SLC24A1: variants seen among roughly 807,000 people sequenced by gnomAD.
SLC24A1 encodes the protein sodium/potassium/calcium exchanger 1.
In SLC24A1, 52 loss-of-function variants were observed where a neutral mutation model predicts 88.1. The ratio of observed to expected loss-of-function variants is 0.59; its 90% confidence interval spans 0.47 to 0.74. The LOEUF is 0.74. Ranked by LOEUF, SLC24A1 falls within the 30% of genes least tolerant of loss-of-function variation. The probability of loss-of-function intolerance (pLI) is 0.00; values close to 1 mark genes in which losing one functional copy is unlikely to be tolerated. For synonymous variants in SLC24A1, 455 were observed against 498.0 expected (o/e 0.91, Z 1.15); for missense variants, 1,173 against 1,363.3 (o/e 0.86, Z 2.20).
chr15:65,638,869 G>A (rs919639953), intron 3 of SLC24A1, among the ~76,000 whole-genome samples: 2 of 152,148 alleles, frequency 1.3e-5, no homozygotes, highest in Non-Finnish European at 2.9e-5. Flanking sequence ...GTGTGGAAGC[G>A]TTGTCTTTGG....
intron 5 of SLC24A1, among the ~76,000 whole-genome samples, chr15:65,644,816 A>G (rs773770479): frequency 2.6e-5 from 4 of 152,188 alleles, no homozygotes; most frequent in Non-Finnish European, 4.4e-5. Context: ...TTGAACTCCC[A>G]CTTCTTTTTG....
Position 65,654,603 on chromosome 15 carries a change from T to G in SLC24A1, c.*524T>G. 8.2e-7 allele frequency: 1 copy of G among 1,220,084 alleles called. No homozygotes were observed. The highest frequency in any genetic ancestry group is 3.1e-5 in the Admixed American group (1 of 31,898). 75.6% of individuals were successfully genotyped at this position (1,220,084 alleles called of 1,614,324 possible). A position where few individuals can be genotyped will look rare whatever the true frequency, so the allele number is the denominator to read the frequency against. On this transcript the variant is annotated 3_prime_UTR_variant, in exon 10 of 10. Transcript: ENST00000261892. ...TAATCACTGTAGCTTCAGTTATTGGTGAGTCTAAGGATCCAAGGCTACAGA... is the reference window on the plus strand; with the variant it reads ...TAATCACTGTAGCTTCAGTTATTGGGGAGTCTAAGGATCCAAGGCTACAGA...
chr15:65,658,217 T>C (rs544660314), downstream of SLC24A1: 2 of 152,312 alleles, frequency 1.3e-5, no homozygotes, highest in South Asian at 2.1e-4. Flanking sequence ...AGGAGCAAGG[T>C]AGTATGAGGA....
In SLC24A1 at chr15:65,624,913, A is replaced by G; in HGVS notation, c.833A>G (p.Lys278Arg). ...VLTSPRSVME[K>R]NNLFPPRRVE... ...ACTTCTCCAAGGAGCGTCATGGAAA[A>G]AAACAACCTGTTTCCCCCCAGAAGA... The change falls in exon 2 of 10, where the codon AAA (lysine) becomes AGA (arginine). Residue 278 changes from lysine to arginine, a missense_variant. Physicochemically the swap from Lys to Arg is conservative, Grantham distance 26. Transcript: ENST00000261892. 6.2e-7 allele frequency: 1 copy of G among 1,613,448 alleles called. No homozygotes were observed. Among genetic ancestry groups the G allele is most frequent in the Non-Finnish European group, 8.5e-7 (1 of 1,179,742 alleles).
In SLC24A1 at chr15:65,654,475, C is replaced by G. The variant is rs1158782481; in HGVS notation, c.*396C>G. The G allele has an allele frequency of 4.3e-6, 5 of 1,164,098 alleles. No individual in the cohort carries two copies. The highest frequency in any genetic ancestry group is 5.3e-6 in the Non-Finnish European group (5 of 935,004). The allele number at this position is 1,164,098 out of a possible 1,614,324, so 72.1% of individuals were successfully genotyped here. ...CCAAAGGCTGCTGGCCCAAAAGATG[C>G]AGATGTGGTCTACATCTCAGCCTTC... On this transcript the variant is annotated 3_prime_UTR_variant, in exon 10 of 10. Transcript: ENST00000261892.
At chr15:65,621,781 G>A (rs1221780795), upstream of SLC24A1, among the ~76,000 whole-genome samples, 2 of 152,190 alleles carry the variant, frequency 1.3e-5, no homozygotes, top group Non-Finnish European at 2.9e-5. Context: ...GACTTTGTGG[G>A]CCCACAGTGA....
Position 65,654,890 on chromosome 15 carries a change from G to C in SLC24A1, c.*811G>C. 8.5e-7 allele frequency: 1 copy of C among 1,179,338 alleles called. No individual in the cohort carries two copies. The highest frequency in any genetic ancestry group is 1.1e-6 in the Non-Finnish European group (1 of 939,600). 73.1% of individuals were successfully genotyped at this position (1,179,338 alleles called of 1,614,324 possible). ...TGGGATTACAGGCGTCAGCCACCGC[G>C]CCTGGCCTATACCAGTATTTTCTAG... On this transcript the variant is annotated 3_prime_UTR_variant, in exon 10 of 10. Transcript: ENST00000261892.
In SLC24A1 at chr15:65,624,955, C is replaced by T; in HGVS notation, c.875C>T (p.Ser292Leu). Residue 292 changes from serine (S) to leucine (L), a missense_variant, in exon 2 of 10, where the codon TCA becomes TTA. Ser to Leu is a moderately radical substitution (Grantham distance 145). Transcript: ENST00000261892. ...CCCAGAAGAGTGGAAAGTAACAGCT[C>T]AGCCCATCCCTGGGGGTTAGTGGGA... ...FPPRRVESNSSAHPWGLVGKS... is the reference protein window; with the variant it reads ...FPPRRVESNSLAHPWGLVGKS... 1 of 1,610,130 alleles carries T rather than the reference C, an allele frequency of 6.2e-7. No individual in the cohort carries two copies. Among genetic ancestry groups the T allele is most frequent in the Non-Finnish European group, 8.5e-7 (1 of 1,178,136 alleles).
At chr15:65,617,823 A>G (rs1009171116), upstream of SLC24A1, among the ~76,000 whole-genome samples, 20 of 152,156 alleles carry the variant, frequency 1.3e-4, no homozygotes, top group African/African-American at 4.6e-4. Flanking sequence ...TTCAAAGGGA[A>G]TGCTTCCAGT....
intron 2 of SLC24A1, among the ~76,000 whole-genome samples, 192 bp from the exon 3 acceptor site, chr15:65,637,936 T>C (rs2074995343): frequency 6.6e-6 from 1 of 152,182 alleles, no homozygotes; most frequent in South Asian, 2.1e-4. Context: ...CTGGGGGTAC[T>C]GCATTGCAGG....
In SLC24A1 at chr15:65,625,431, C is replaced by A; in HGVS notation, c.1351C>A (p.Arg451=). The change falls in exon 2 of 10, where the codon CGG becomes AGG. Residue 451 remains arginine, a synonymous_variant. Transcript: ENST00000261892. Reference sequence around the variant, plus strand: ...AGATCTGTTCAGTGTGGAGGAGCGGCGGCAGGGCTGGGTGGTCCTGCACGT... The same window carrying A: ...AGATCTGTTCAGTGTGGAGGAGCGGAGGCAGGGCTGGGTGGTCCTGCACGT... ...PPDLFSVEER[R]QGWVVLHVFG... The A allele has an allele frequency of 6.2e-7, 1 of 1,614,052 alleles. No individual in the cohort carries two copies. The highest frequency in any genetic ancestry group is 2.2e-5 in the East Asian group (1 of 44,884).
chr15:65,645,910 C>A (rs1458300529), intron 6 of SLC24A1, among the ~76,000 whole-genome samples: 2 of 152,188 alleles, frequency 1.3e-5, no homozygotes, highest in African/African-American at 4.8e-5. Context: ...CATGAGTGAG[C>A]TAACATATTG....
At chr15:65,615,449 G>A (rs777833443) in intron 2 of SLC24A1, among the ~76,000 whole-genome samples, 9 of 152,186 alleles carry the variant, frequency 5.9e-5, no homozygotes, top group Non-Finnish European at 1.3e-4. Flanking sequence ...TTGGGAGGCC[G>A]AGGTGGGTAG....
intron 1 of SLC24A1, among the ~76,000 whole-genome samples, chr15:65,623,648 A>G (rs1322355304): frequency 1.3e-5 from 2 of 152,196 alleles, no homozygotes. Flanking sequence ...CCTGAAGAGT[A>G]CTGGCAGATC....
chr15:65,624,276 G>A lies in SLC24A1; in HGVS notation c.196G>A (p.Asp66Asn), dbSNP rs1352223198. The change falls in exon 2 of 10, where the codon GAC becomes AAC. Residue 66 changes from aspartate (D) to asparagine (N), a missense_variant. Transcript: ENST00000261892. ...SHQPIKLASR[D>N]LSSEEMMMMS... ...TCAGCCTATAAAACTGGCCAGTCGG[G>A]ACCTCTCCAGTGAAGAGATGATGAT... 1 of 1,613,710 alleles carries A rather than the reference G, an allele frequency of 6.2e-7. No individual in the cohort carries two copies.
chr15:65,611,475 C>G (rs1479861430), exon 1 of SLC24A1: 4 of 463,748 alleles, frequency 8.6e-6, no homozygotes, highest in Admixed American at 3.4e-5. Flanking sequence ...ATGGGCCTCA[C>G]CTGGCCCGGT....
intron 8 of SLC24A1, 99 bp from the exon 9 acceptor site, chr15:65,652,543 G>A (rs772738013): frequency 2.7e-6 from 3 of 1,092,478 alleles, no homozygotes; most frequent in Non-Finnish European, 4.0e-6. Flanking sequence ...GTGTGGCTGA[G>A]CTCCTTAGAA....
intron 3 of SLC24A1, among the ~76,000 whole-genome samples, chr15:65,639,179 G>A (rs568266673): frequency 6.6e-6 from 1 of 152,294 alleles, no homozygotes; most frequent in African/African-American, 2.4e-5. Flanking sequence ...GTCTCTGGGA[G>A]TGGGGCAATG....
In SLC24A1 at chr15:65,625,728, A is replaced by T; in HGVS notation, c.1648A>T (p.Ile550Phe). 6.2e-7 allele frequency: 1 copy of T among 1,614,004 alleles called. No individual in the cohort carries two copies. The highest frequency in any genetic ancestry group is 8.5e-7 in the Non-Finnish European group (1 of 1,179,882). The change falls in exon 2 of 10, where the codon ATC becomes TTC. Residue 550 changes from isoleucine to phenylalanine, a missense_variant. Ile to Phe is a conservative substitution (Grantham distance 21). Coordinates refer to ENST00000261892, the MANE Select transcript of SLC24A1 (RefSeq NM_004727.3). ...CACTTGTTCCCTCTTCTCCCGAGAG[A>T]TCCTCAACCTCACCTGGTGGCCCTT... ...IGTCSLFSREILNLTWWPLFR... is the reference protein window; with the variant it reads ...IGTCSLFSREFLNLTWWPLFR...
Sources: gnomAD v4.1 joint callset for allele counts (sites outside exome capture counted in the v4.1 genomes callset) on GRCh38, gnomAD v4.1.1 for gene constraint, MANE v1.5 for transcripts, NCBI Gene and HGNC (gene_info 2026-07-23, HGNC 2026-07-21) for gene names.